EML6: variants seen among roughly 807,000 people sequenced by gnomAD.
EML6 encodes the protein EMAP like 6, also known as echinoderm microtubule-associated protein-like 6.
A neutral mutation model predicts 240.1 loss-of-function variants in EML6; 154 were observed. The ratio of observed to expected loss-of-function variants is 0.64; its 90% CI spans 0.56 to 0.73. The LOEUF (loss-of-function observed/expected upper bound fraction) is 0.73, where lower values mean the gene tolerates loss of function less well. EML6 is among the 30% of genes least tolerant of loss of function. EML6 has a pLI of 0.00. For missense variants in EML6, 2,964 were observed against 2,474.6 expected, an observed-to-expected ratio of 1.20 and a Z score of -4.20; for synonymous variants, 1,148 against 899.0, an observed-to-expected ratio of 1.28 and a Z score of -4.95.
At chr2:54,917,267 C>T (rs1673966697) in intron 26 of EML6, among the ~76,000 whole-genome samples, 1 of 151,998 alleles carries the variant, frequency 6.6e-6, no homozygotes, top group Non-Finnish European at 1.5e-5. Flanking sequence ...CTTAATATCA[C>T]ACAGCACCCC....
At chr2:54,856,678 C>G (rs546941391) in intron 11 of EML6, among the ~76,000 whole-genome samples, 7 of 152,254 alleles carry the variant, frequency 4.6e-5, no homozygotes, top group African/African-American at 1.7e-4. Context: ...GGAAGAGTTG[C>G]GTACCGTGAC....
At chr2:54,963,481 T>C (rs528229817) in intron 36 of EML6, among the ~76,000 whole-genome samples, 13 of 152,298 alleles carry the variant, frequency 8.5e-5, no homozygotes, top group Middle Eastern at 3.4e-3. Flanking sequence ...AAAACTGAGA[T>C]GTAATTTACC....
intron 2 of EML6, among the ~76,000 whole-genome samples, chr2:54,744,406 A>C (rs1198649711): frequency 6.6e-6 from 1 of 152,180 alleles, no homozygotes; most frequent in Admixed American, 6.5e-5. Context: ...TCACATTTGG[A>C]CTGGATAAAA....
rs534816212 is a variant in EML6 at position 54,895,116 on chromosome 2, A to G, written c.2854+90A>G. 1.7e-5 allele frequency: 23 copies of G among 1,319,056 alleles called. No individual in the cohort carries two copies. The South Asian group carries it at 3.1e-4, about 17-fold the overall frequency. The allele number at this position is 1,319,056 out of a possible 1,614,324, so 81.7% of individuals were successfully genotyped here. A position where few individuals can be genotyped will look rare whatever the true frequency, so the allele number is the denominator to read the frequency against. On this transcript the variant is annotated intron_variant, in intron 20 of 41. Coordinates refer to ENST00000356458, the MANE Select transcript of EML6 (RefSeq NM_001039753.4). The stretch of plus-strand genomic sequence containing the variant: ...GTTTTTAGAAAACTATTAGCAAATC[A>G]ATTTTCTCCCTCTTCCATGTTTAGA...
At chr2:54,826,294 G>T (rs1572959503) in intron 5 of EML6, among the ~76,000 whole-genome samples, 1 of 152,154 alleles carries the variant, frequency 6.6e-6, no homozygotes, top group Non-Finnish European at 1.5e-5. Context: ...TAACCTGAGG[G>T]GGGGCTATAT....
intron 2 of EML6, among the ~76,000 whole-genome samples, chr2:54,779,667 G>A (rs1441968080): frequency 6.6e-6 from 1 of 151,766 alleles, no homozygotes; most frequent in Non-Finnish European, 1.5e-5. Flanking sequence ...TTCAAGACAG[G>A]CCTGGACAAC....
At chr2:54,927,982 T>G (rs959359542) in intron 26 of EML6, among the ~76,000 whole-genome samples, 1 of 152,214 alleles carries the variant, frequency 6.6e-6, no homozygotes, top group African/African-American at 2.4e-5. Flanking sequence ...GTCAGGAGTT[T>G]ACACTAGAGA....
At chr2:54,828,753 C>G (rs1029341891) in intron 6 of EML6, among the ~76,000 whole-genome samples, 7 of 152,200 alleles carry the variant, frequency 4.6e-5, no homozygotes, top group Non-Finnish European at 7.3e-5. Context: ...TTTGAACAAA[C>G]CAAATAAAGT....
chr2:54,802,618 ATACTACTACTAC>A (rs56119525), intron 2 of EML6, among the ~76,000 whole-genome samples: 19,572 of 139,874 alleles, frequency 0.14, 1,566 homozygotes, highest in Non-Finnish European at 0.18. Flanking sequence ...ACCCTGTCTC[ATACTACTACTAC>A]TACTACTACT....
At chr2:54,726,457 T>C (rs1682913144) in intron 2 of EML6, among the ~76,000 whole-genome samples, 1 of 149,206 alleles carries the variant, frequency 6.7e-6, no homozygotes, top group Admixed American at 6.7e-5. Flanking sequence ...TTTTTTTTTC[T>C]GAGACCTAAA....
intron 2 of EML6, among the ~76,000 whole-genome samples, chr2:54,802,662 A>ACTACTACTGCTACTG (rs1199239601): frequency 3.0e-4 from 43 of 145,682 alleles, no homozygotes; most frequent in African/African-American, 1.1e-3. Context: ...TACTACTACT[A>ACTACTACTGCTACTG]CTACTGCTAC....
intron 28 of EML6, among the ~76,000 whole-genome samples, chr2:54,943,665 G>T (rs1164060314): frequency 6.6e-6 from 1 of 152,096 alleles, no homozygotes; most frequent in Non-Finnish European, 1.5e-5. Context: ...GTTTCTTCTA[G>T]AGTAGCATTG....
At chr2:54,895,686 T>C (rs1672725308) in intron 21 of EML6, among the ~76,000 whole-genome samples, 1 of 152,236 alleles carries the variant, frequency 6.6e-6, no homozygotes, top group Non-Finnish European at 1.5e-5. Flanking sequence ...AGGGTTATGG[T>C]CTCATCTGAG....
At chr2:54,776,581 C>G (rs963064360) in intron 2 of EML6, among the ~76,000 whole-genome samples, 3 of 152,008 alleles carry the variant, frequency 2.0e-5, no homozygotes, top group African/African-American at 7.3e-5. Flanking sequence ...TTTTTTTCTA[C>G]TGTATTGTTG....
At chr2:54,894,800 A>AT in intron 19 of EML6, 115 bp from the exon 20 acceptor site, 1 of 638,238 alleles carries the variant, frequency 1.6e-6, no homozygotes, top group Non-Finnish European at 2.8e-6. Context: ...CATCTCATAT[A>AT]TTTAGGAAGG....
At chr2:54,929,520 C>A (rs1229236666) in intron 28 of EML6, among the ~76,000 whole-genome samples, 1 of 152,170 alleles carries the variant, frequency 6.6e-6, no homozygotes. Context: ...TTTAATAATT[C>A]TGTTGGCTGT....
intron 12 of EML6, among the ~76,000 whole-genome samples, chr2:54,863,260 A>G (rs992253938): frequency 1.3e-5 from 2 of 152,224 alleles, no homozygotes; most frequent in Non-Finnish European, 2.9e-5. Flanking sequence ...AAACCTGCCC[A>G]TTTTACAAAA....
chr2:54,842,869 T>A (rs1266486325), intron 7 of EML6, among the ~76,000 whole-genome samples: 1 of 152,188 alleles, frequency 6.6e-6, no homozygotes, highest in Non-Finnish European at 1.5e-5. Context: ...TGGAGAAGAT[T>A]CCATAAATTA....
At chr2:54,923,402 C>CAA (rs1674369840) in intron 26 of EML6, among the ~76,000 whole-genome samples, 1 of 141,492 alleles carries the variant, frequency 7.1e-6, no homozygotes, top group Admixed American at 7.2e-5. Flanking sequence ...CACACACACA[C>CAA]ACAATGGTAA....
Sources: allele counts gnomAD v4.1 joint callset (sites outside exome capture counted in the v4.1 genomes callset), GRCh38; gene constraint gnomAD v4.1.1; transcripts MANE v1.5; gene names NCBI Gene and HGNC (gene_info 2026-07-23, HGNC 2026-07-21).